Variants in NUBPL observed in about 807,000 individuals in gnomAD.
NUBPL encodes the protein NUBP iron-sulfur cluster assembly factor, mitochondrial, also known as iron-sulfur cluster transfer protein NUBPL.
In NUBPL, 31 loss-of-function variants were observed where a neutral mutation model predicts 45.7. That is an observed-to-expected ratio of 0.68 (90% CI 0.51 to 0.92). The LOEUF is 0.92. NUBPL is among the 40% of genes least tolerant of loss of function. NUBPL has a pLI of 0.00. For missense variants in NUBPL, 401 were observed against 398.7 expected, an observed-to-expected ratio of 1.01 and a Z score of -0.05; for synonymous variants, 144 against 140.9, an observed-to-expected ratio of 1.02 and a Z score of -0.15.
At chr14:31,852,690 T>C (rs916061937) in intron 10 of NUBPL, among the ~76,000 whole-genome samples, 1 of 151,956 alleles carries the variant, frequency 6.6e-6, no homozygotes, top group Non-Finnish European at 1.5e-5. Flanking sequence ...AATAAAAAAA[T>C]CAGGGTAGCA....
chr14:31,813,010 A>T lies in NUBPL; in HGVS notation c.608-13619A>T, dbSNP rs181838568. 8.5e-4 allele frequency among the ~76,000 whole-genome samples: 99 copies of T among 116,058 alleles called. No homozygotes were observed. The East Asian group carries it at 0.017, about 20-fold the overall frequency. The allele number at this position is 116,058 out of a possible 152,430, so 76.1% of individuals were successfully genotyped here. A position where few individuals can be genotyped will look rare whatever the true frequency, so the allele number is the denominator to read the frequency against. ...TTTTTTTTTTTTTTTTTTGAGGTGGAGTCTTGCTCTGTCGCCTAGGCTGGA... is the reference window on the plus strand; with the variant it reads ...TTTTTTTTTTTTTTTTTTGAGGTGGTGTCTTGCTCTGTCGCCTAGGCTGGA... On this transcript the variant is annotated intron_variant, in intron 7 of 10. Transcript: ENST00000281081.
Position 31,706,696 on chromosome 14 carries a change from C to T in NUBPL, c.513+33122C>T, listed in dbSNP as rs540504387. ...CCTTGGTGGTTTTGGAGAGTCACTG[C>T]TGCCAAAGAGTCTATTTGGGATTGT... On this transcript the variant is annotated intron_variant, in intron 6 of 10. Coordinates refer to ENST00000281081, the MANE Select transcript of NUBPL (RefSeq NM_025152.3). Among the ~76,000 whole-genome samples the T allele has an allele frequency of 1.3e-4, 20 of 152,298 alleles. No individual in the cohort carries two copies. The South Asian group carries it at 4.1e-3, about 32-fold the overall frequency.
chr14:31,748,430 C>G (rs1438312399), intron 6 of NUBPL, among the ~76,000 whole-genome samples: 24 of 152,136 alleles, frequency 1.6e-4, no homozygotes, highest in Admixed American at 1.6e-3. Flanking sequence ...GTATTGGATT[C>G]AGTCTCTTCC....
chr14:31,732,327 C>T (rs1319088042), intron 6 of NUBPL, among the ~76,000 whole-genome samples: 1 of 151,996 alleles, frequency 6.6e-6, no homozygotes, highest in African/African-American at 2.4e-5. Context: ...AGACTCTGGG[C>T]AAATCATTTA....
At chr14:31,678,350 C>A (rs1296259881) in intron 6 of NUBPL, among the ~76,000 whole-genome samples, 8 of 152,326 alleles carry the variant, frequency 5.3e-5, no homozygotes, top group Middle Eastern at 3.4e-3. Flanking sequence ...TTGCTTTTAT[C>A]AAGTAGATGA....
At chr14:31,811,825 A>T (rs566332372) in intron 7 of NUBPL, among the ~76,000 whole-genome samples, 2 of 152,176 alleles carry the variant, frequency 1.3e-5, no homozygotes, top group African/African-American at 4.8e-5. Flanking sequence ...CTTTTTGTTG[A>T]TGCTGATGCT....
At chr14:31,656,688 C>T (rs2036148768) in intron 4 of NUBPL, among the ~76,000 whole-genome samples, 1 of 152,000 alleles carries the variant, frequency 6.6e-6, no homozygotes, top group African/African-American at 2.4e-5. Context: ...CATGGTGCCC[C>T]ACAACAATTA....
chr14:31,703,155 A>C (rs1595517629), intron 6 of NUBPL: 1 of 152,248 alleles, frequency 6.6e-6, no homozygotes, highest in Non-Finnish European at 1.5e-5. Context: ...GCAGGAGGAA[A>C]GAAAGGAAAG....
At chr14:31,700,641 G>A (rs983351515) in intron 6 of NUBPL, among the ~76,000 whole-genome samples, 11 of 152,004 alleles carry the variant, frequency 7.2e-5, no homozygotes, top group African/African-American at 2.4e-4. Context: ...CACTTCGAGC[G>A]GCCGGCCAGT....
chr14:31,588,307 T>C (rs17098019), intron 3 of NUBPL, among the ~76,000 whole-genome samples: 23,057 of 152,230 alleles, frequency 0.15, 4,942 homozygotes, highest in African/African-American at 0.48. Context: ...GGCACATAGA[T>C]AGAAGTATAT....
chr14:31,792,024 A>G (rs924380076), intron 7 of NUBPL, among the ~76,000 whole-genome samples: 5 of 152,178 alleles, frequency 3.3e-5, no homozygotes, highest in African/African-American at 1.2e-4. Flanking sequence ...AGAAGGGTTT[A>G]GTGGCTTTCA....
At chr14:31,828,922 A>G (rs1256786526) in intron 8 of NUBPL, among the ~76,000 whole-genome samples, 2 of 152,214 alleles carry the variant, frequency 1.3e-5, no homozygotes. Context: ...TGTTAGGTGA[A>G]TGCCACTGAA....
chr14:31,751,099 A>G (rs2038517077), intron 6 of NUBPL, among the ~76,000 whole-genome samples: 1 of 152,162 alleles, frequency 6.6e-6, no homozygotes, highest in Admixed American at 6.5e-5. Flanking sequence ...ATCACCTCCC[A>G]CCAGGTCCCT....
At chr14:31,613,950 A>G (rs1017052163) in intron 4 of NUBPL, among the ~76,000 whole-genome samples, 1 of 152,128 alleles carries the variant, frequency 6.6e-6, no homozygotes, top group Non-Finnish European at 1.5e-5. Flanking sequence ...ATATATATAT[A>G]TAGAAAATAA....
chr14:31,577,229 T>C (rs1429144058), intron 3 of NUBPL, among the ~76,000 whole-genome samples: 3 of 152,220 alleles, frequency 2.0e-5, no homozygotes, highest in Non-Finnish European at 4.4e-5. Context: ...TTGAGAAGTA[T>C]CTCTTTCTCT....
intron 7 of NUBPL, among the ~76,000 whole-genome samples, chr14:31,806,785 C>T (rs1206901030): frequency 1.3e-5 from 2 of 151,806 alleles, no homozygotes; most frequent in African/African-American, 2.4e-5. Context: ...CCCCACACCA[C>T]GACAGGCCCA....
chr14:31,750,207 C>A (rs2038492223), intron 6 of NUBPL, among the ~76,000 whole-genome samples: 1 of 147,430 alleles, frequency 6.8e-6, no homozygotes, highest in African/African-American at 2.5e-5. Context: ...CGGAGTCTTG[C>A]TCTGTCACCC....
chr14:31,599,849 G>A (rs759546153), intron 4 of NUBPL, among the ~76,000 whole-genome samples: 1 of 151,912 alleles, frequency 6.6e-6, no homozygotes, highest in Non-Finnish European at 1.5e-5. Context: ...CAATATGGCA[G>A]ATCATTGAGC....
At chr14:31,840,356 G>A (rs1367342377) in intron 8 of NUBPL, among the ~76,000 whole-genome samples, 1 of 152,066 alleles carries the variant, frequency 6.6e-6, no homozygotes, top group Non-Finnish European at 1.5e-5. Context: ...GATGGATCAC[G>A]AGGTCAGGAG....
Sources: gnomAD v4.1 joint callset for allele counts (sites outside exome capture counted in the v4.1 genomes callset) on GRCh38, gnomAD v4.1.1 for gene constraint, MANE v1.5 for transcripts, NCBI Gene and HGNC (gene_info 2026-07-23, HGNC 2026-07-21) for gene names.